VPS35L: variants seen among roughly 807,000 people sequenced by gnomAD.
VPS35L encodes VPS35 endosomal protein-sorting factor-like.
A neutral mutation model predicts 133.0 loss-of-function variants in VPS35L; 83 were observed. That is an observed-to-expected ratio of 0.62 (90% confidence interval 0.52 to 0.75). The LOEUF (loss-of-function observed/expected upper bound fraction) is 0.75, where lower values mean the gene tolerates loss of function less well. Ranked by LOEUF, VPS35L falls within the 30% of genes least tolerant of loss-of-function variation. The pLI is 0.00. For synonymous variants in VPS35L, 423 were observed against 449.9 expected (o/e 0.94, Z 0.76); for missense variants, 1,083 against 1,206.8 (o/e 0.90, Z 1.52).
At chr16:19,581,168 G>T (rs562076928) in intron 6 of VPS35L, among the ~76,000 whole-genome samples, 1 of 152,140 alleles carries the variant, frequency 6.6e-6, no homozygotes, top group East Asian at 1.9e-4. Flanking sequence ...CTGCACACAG[G>T]GGGCCCACAG....
chr16:19,624,854 A>T (rs143243166), intron 14 of VPS35L, among the ~76,000 whole-genome samples: 41 of 152,280 alleles, frequency 2.7e-4, no homozygotes, highest in African/African-American at 9.6e-4. Context: ...TCACAAGGAC[A>T]TGGTGAAGAG....
chr16:19,637,553 TAA>T (rs748882243), intron 19 of VPS35L, 39 bp from the exon 20 acceptor site: 56 of 1,408,288 alleles, frequency 4.0e-5, no homozygotes, highest in Non-Finnish European at 5.0e-5. Flanking sequence ...TTTTAAAAAT[TAA>T]GTTTTTAAAA....
chr16:19,565,039 G>T, intron 2 of VPS35L, 89 bp downstream of exon 2: 5 of 1,030,906 alleles, frequency 4.9e-6, no homozygotes, highest in Non-Finnish European at 1.4e-6. Flanking sequence ...TTTGCCAGTG[G>T]TAGCCACTTT....
chr16:19,670,021 A>G (rs887287541), intron 27 of VPS35L, among the ~76,000 whole-genome samples: 5 of 151,992 alleles, frequency 3.3e-5, no homozygotes, highest in African/African-American at 1.2e-4. Context: ...GCTGGAGTGC[A>G]GTGGTGCAGT....
At chr16:19,612,987 A>G (rs1972773761) in intron 12 of VPS35L, among the ~76,000 whole-genome samples, 2 of 152,184 alleles carry the variant, frequency 1.3e-5, no homozygotes, top group Non-Finnish European at 2.9e-5. Context: ...GGTAGTTTCT[A>G]AAAGTCTCTT....
chr16:19,661,349 C>G (rs1403033375), intron 26 of VPS35L, among the ~76,000 whole-genome samples: 4 of 152,106 alleles, frequency 2.6e-5, no homozygotes, highest in African/African-American at 9.7e-5. Context: ...AATAAATAAC[C>G]TGCATCTTAA....
At chr16:19,616,538 T>TA (rs60979764) in intron 13 of VPS35L, 148 bp from the exon 14 acceptor site, 65,518 of 808,904 alleles carry the variant, frequency 0.081, 68 homozygotes, top group Middle Eastern at 0.089. Context: ...TTTTTTGGTT[T>TA]AAAAAAAAAA....
At chr16:19,558,318 T>C (rs1237337511) in intron 1 of VPS35L, among the ~76,000 whole-genome samples, 1 of 152,158 alleles carries the variant, frequency 6.6e-6, no homozygotes, top group African/African-American at 2.4e-5. Flanking sequence ...GAGGAAGAAA[T>C]AGAGGCAGAG....
chr16:19,642,259 T>A (rs1973810113), intron 21 of VPS35L, 137 bp from the exon 22 acceptor site: 4 of 656,344 alleles, frequency 6.1e-6, no homozygotes, highest in Non-Finnish European at 1.0e-5. Context: ...GGCTCGTTAC[T>A]GGTAAACTGG....
chr16:19,652,262 G>A (rs1000824001), intron 26 of VPS35L, 172 bp downstream of exon 26: 10 of 574,004 alleles, frequency 1.7e-5, no homozygotes, highest in African/African-American at 9.4e-5. Context: ...CTGTAACCTC[G>A]AACTCCTGGG....
intron 28 of VPS35L, among the ~76,000 whole-genome samples, chr16:19,689,368 T>C (rs1975586761): frequency 6.6e-6 from 1 of 151,798 alleles, no homozygotes; most frequent in African/African-American, 2.4e-5. Context: ...CCTCCTGCGT[T>C]CAAGCGATTC....
At chr16:19,623,679 A>G (rs1973155092) in intron 14 of VPS35L, among the ~76,000 whole-genome samples, 1 of 151,648 alleles carries the variant, frequency 6.6e-6, no homozygotes, top group South Asian at 2.1e-4. Flanking sequence ...ATTGCACTTA[A>G]GAACCCTCCT....
chr16:19,666,920 C>CTTTA (rs1567470469), intron 26 of VPS35L, among the ~76,000 whole-genome samples: 2 of 111,560 alleles, frequency 1.8e-5, no homozygotes, highest in African/African-American at 3.9e-5. Flanking sequence ...TTCTTTCTTT[C>CTTTA]TTTCTTTCTT....
At chr16:19,587,797 CTT>C (rs775544331) in intron 7 of VPS35L, among the ~76,000 whole-genome samples, 51 of 118,916 alleles carry the variant, frequency 4.3e-4, no homozygotes, top group East Asian at 3.8e-3. Flanking sequence ...TCCACATTGT[CTT>C]TTTTTTTTTT....
chr16:19,650,054 T>C (rs187949265), intron 24 of VPS35L, among the ~76,000 whole-genome samples: 25 of 152,314 alleles, frequency 1.6e-4, no homozygotes, highest in Admixed American at 1.5e-3. Flanking sequence ...TCTTAAACTT[T>C]GGTGTGGTAG....
At chr16:19,614,513 C>T (rs1211268973) in intron 12 of VPS35L, among the ~76,000 whole-genome samples, 3 of 152,230 alleles carry the variant, frequency 2.0e-5, no homozygotes, top group Admixed American at 1.3e-4. Context: ...CGGGTTCAAG[C>T]GATCCTCCCA....
intron 28 of VPS35L, among the ~76,000 whole-genome samples, chr16:19,687,316 C>A (rs901932626): frequency 2.0e-5 from 3 of 152,222 alleles, no homozygotes; most frequent in South Asian, 2.1e-4. Context: ...CTATTCTGGT[C>A]CTCAGCAGCA....
At chr16:19,613,026 C>T (rs1972774948) in intron 12 of VPS35L, among the ~76,000 whole-genome samples, 1 of 152,106 alleles carries the variant, frequency 6.6e-6, no homozygotes, top group Non-Finnish European at 1.5e-5. Flanking sequence ...AGAGACCAAG[C>T]GCGGTGGCTC....
rs981244006 is a variant in VPS35L at position 19,563,124 on chromosome 16, A to G, written c.18-1727A>G. ...TTTTCAAAGGAGCAACAATAAGACT[A>G]CTATTGCAGCACAAAGATGAGCACA... On this transcript the variant is annotated intron_variant, in intron 1 of 30. Transcript: ENST00000417362. Among the ~76,000 whole-genome samples the G allele has an allele frequency of 3.9e-5, 6 of 152,092 alleles. No homozygotes were observed. In the South Asian group the frequency reaches 6.2e-4, roughly 16 times the overall value.
Sources: gnomAD v4.1 joint callset for allele counts (sites outside exome capture counted in the v4.1 genomes callset) on GRCh38, gnomAD v4.1.1 for gene constraint, MANE v1.5 for transcripts, NCBI Gene and HGNC (gene_info 2026-07-23, HGNC 2026-07-21) for gene names.